Variants in TPD52L1 observed in about 807,000 individuals in gnomAD.
The protein encoded by TPD52L1 is tumor protein D53.
Under a neutral mutation model 28.7 loss-of-function variants are expected in TPD52L1, and 18 were observed. That is an observed-to-expected ratio of 0.63 (90% CI 0.43 to 0.93). The LOEUF is 0.93. TPD52L1 is among the 40% of genes least tolerant of loss of function. TPD52L1 has a pLI of 0.00. For missense variants in TPD52L1, 203 were observed against 254.8 expected, an observed-to-expected ratio of 0.80 and a Z score of 1.39; for synonymous variants, 75 against 88.8, an observed-to-expected ratio of 0.84 and a Z score of 0.88.
intron 5 of TPD52L1, among the ~76,000 whole-genome samples, chr6:125,254,699 A>G (rs1385303789): frequency 6.6e-6 from 1 of 152,232 alleles, no homozygotes; most frequent in East Asian, 1.9e-4. Flanking sequence ...CTTCATATAT[A>G]TAATCTTTTC....
chr6:125,234,330 A>G (rs748323310), intron 3 of TPD52L1: 1 of 152,184 alleles, frequency 6.6e-6, no homozygotes, highest in Non-Finnish European at 1.5e-5. Flanking sequence ...ACAAGGGCAA[A>G]TTTCTCTTCA....
intron 1 of TPD52L1, among the ~76,000 whole-genome samples, chr6:125,209,775 A>C (rs1005312518): frequency 2.6e-5 from 4 of 152,212 alleles, no homozygotes; most frequent in Non-Finnish European, 5.9e-5. Context: ...CATATTGTTC[A>C]GGTATGGTTT....
chr6:125,228,779 A>G (rs1473433518), intron 2 of TPD52L1, among the ~76,000 whole-genome samples: 1 of 152,246 alleles, frequency 6.6e-6, no homozygotes, highest in Non-Finnish European at 1.5e-5. Context: ...TACAACTTAT[A>G]GAAAGAACAT....
At chr6:125,226,081 C>A (rs1795590116) in intron 2 of TPD52L1, among the ~76,000 whole-genome samples, 1 of 152,192 alleles carries the variant, frequency 6.6e-6, no homozygotes, top group Non-Finnish European at 1.5e-5. Flanking sequence ...TGGAACCTTA[C>A]ACGTTAATGT....
intron 1 of TPD52L1, among the ~76,000 whole-genome samples, chr6:125,168,106 A>T (rs188534093): frequency 2.0e-5 from 3 of 152,286 alleles, no homozygotes; most frequent in East Asian, 3.9e-4. Flanking sequence ...CACAAATAGA[A>T]CTTTGTATGA....
rs755806828 is a variant in TPD52L1, at chr6:125,238,504, C to A, written c.284+9238C>A. ...AGGTGTAGTCTTTTATCCCTCACCC[C>A]CCTCGAACCCTTTCCCCCGAGTCCC... On this transcript the variant is annotated intron_variant, in intron 3 of 6. Coordinates refer to ENST00000534000, the MANE Select transcript of TPD52L1 (RefSeq NM_003287.4). Among the ~76,000 whole-genome samples, 59 of 151,846 alleles carry A rather than the reference C, an allele frequency of 3.9e-4. 2 individuals are homozygous for A. The highest frequency in any genetic ancestry group is 2.1e-4 in the South Asian group (1 of 4,798).
In TPD52L1 at chr6:125,263,005, C is replaced by T; in HGVS notation, c.*43C>T. 1 of 1,581,876 alleles carries T rather than the reference C, an allele frequency of 6.3e-7. No individual in the cohort carries two copies. The highest frequency in any genetic ancestry group is 1.1e-5 in the South Asian group (1 of 87,688). On this transcript the variant is annotated 3_prime_UTR_variant, in exon 7 of 7. Coordinates refer to ENST00000534000, the MANE Select transcript of TPD52L1 (RefSeq NM_003287.4). ...CTGCATCCAGAAACCGGCCACTACCCAGCCCATCTCTGCCTGTGCTTATCC... is the reference window on the plus strand; with the variant it reads ...CTGCATCCAGAAACCGGCCACTACCTAGCCCATCTCTGCCTGTGCTTATCC...
At chr6:125,223,103 C>G (rs1795364320) in intron 2 of TPD52L1, among the ~76,000 whole-genome samples, 1 of 152,202 alleles carries the variant, frequency 6.6e-6, no homozygotes, top group African/African-American at 2.4e-5. Context: ...AACTCTTAAA[C>G]TGGATTCTGA....
intron 1 of TPD52L1, chr6:125,214,353 C>T (rs1794716370): frequency 5.1e-6 from 3 of 593,226 alleles, no homozygotes; most frequent in Admixed American, 6.3e-5. Flanking sequence ...GGCCAATGCC[C>T]AGAGAGAAAG....
At chr6:125,214,227 C>A (rs990219122) in intron 1 of TPD52L1, among the ~76,000 whole-genome samples, 1 of 152,166 alleles carries the variant, frequency 6.6e-6, no homozygotes, top group Non-Finnish European at 1.5e-5. Flanking sequence ...TGATATAATC[C>A]TTAGGTCATC....
chr6:125,246,079 C>T (rs1209410483), intron 3 of TPD52L1, among the ~76,000 whole-genome samples: 2 of 152,212 alleles, frequency 1.3e-5, no homozygotes, highest in African/African-American at 4.8e-5. Flanking sequence ...CAGTTATATA[C>T]CTTCCCTGGG....
chr6:125,252,725 A>G (rs1226444603), intron 4 of TPD52L1: 1 of 152,168 alleles, frequency 6.6e-6, no homozygotes, highest in Non-Finnish European at 1.5e-5. Context: ...TTGAAGTGTA[A>G]TTTCTGAGGA....
At chr6:125,218,820 T>A (rs1795045654) in intron 1 of TPD52L1, among the ~76,000 whole-genome samples, 1 of 152,310 alleles carries the variant, frequency 6.6e-6, no homozygotes, top group Non-Finnish European at 1.5e-5. Context: ...TTAGTTCAGC[T>A]AAAAACGGGT....
intron 3 of TPD52L1, among the ~76,000 whole-genome samples, chr6:125,232,981 A>G (rs996424981): frequency 6.6e-6 from 1 of 152,088 alleles, no homozygotes; most frequent in Admixed American, 6.6e-5. Context: ...ACTTTGGGGT[A>G]AAGGAGGAGA....
intron 6 of TPD52L1, chr6:125,260,883 A>C (rs193298933): frequency 6.7e-6 from 1 of 150,278 alleles, no homozygotes; most frequent in East Asian, 2.0e-4. Context: ...GAAAGAAAGA[A>C]AAAGAAAAGA....
chr6:125,180,561 A>ATT (rs1300926724), intron 1 of TPD52L1, among the ~76,000 whole-genome samples: 2 of 132,906 alleles, frequency 1.5e-5, no homozygotes, highest in East Asian at 2.3e-4. Flanking sequence ...ACACACATAT[A>ATT]TTATATATAC....
chr6:125,205,462 T>C (rs1448700269), intron 1 of TPD52L1, among the ~76,000 whole-genome samples: 2 of 152,130 alleles, frequency 1.3e-5, no homozygotes, highest in Admixed American at 6.5e-5. Flanking sequence ...GAGCATACTG[T>C]ATAGGCACAA....
intron 3 of TPD52L1, among the ~76,000 whole-genome samples, chr6:125,238,425 G>T (rs989664056): frequency 1.3e-5 from 2 of 152,028 alleles, no homozygotes; most frequent in Non-Finnish European, 2.9e-5. Context: ...TTTTTCGGGG[G>T]TGATTTCTGA....
intron 1 of TPD52L1, among the ~76,000 whole-genome samples, chr6:125,184,841 A>C (rs2114834616): frequency 6.6e-6 from 1 of 152,262 alleles, no homozygotes; most frequent in African/African-American, 2.4e-5. Context: ...AATATAAAAT[A>C]AGAAAAAAAA....
Sources: gnomAD v4.1 joint callset for allele counts (sites outside exome capture counted in the v4.1 genomes callset) on GRCh38, gnomAD v4.1.1 for gene constraint, MANE v1.5 for transcripts, NCBI Gene and HGNC (gene_info 2026-07-23, HGNC 2026-07-21) for gene names.